Variants in MLIP observed in about 807,000 individuals in gnomAD.
MLIP encodes the protein muscular LMNA-interacting protein.
A neutral mutation model predicts 84.8 loss-of-function variants in MLIP; 79 were observed. The observed-to-expected ratio is 0.93, with a 90% CI of 0.78 to 1.12. The LOEUF (loss-of-function observed/expected upper bound fraction) is 1.12, where lower values mean the gene tolerates loss of function less well. Ranked by LOEUF, MLIP falls within the 50% of genes most tolerant of loss-of-function variation. The pLI, the probability that MLIP is intolerant of heterozygous loss-of-function variation, is 0.00. For synonymous variants in MLIP, 504 were observed against 463.0 expected (o/e 1.09, Z -1.14); for missense variants, 1,257 against 1,160.6 (o/e 1.08, Z -1.21).
At chr6:54,208,695 T>C (rs1779211447) in intron 11 of MLIP, among the ~76,000 whole-genome samples, 2 of 152,232 alleles carry the variant, frequency 1.3e-5, no homozygotes, top group African/African-American at 4.8e-5. Flanking sequence ...AAGATTAGCC[T>C]GTGTATAGAA....
At chr6:54,145,779 C>G in intron 4 of MLIP, among the ~76,000 whole-genome samples, 1 of 147,778 alleles carries the variant, frequency 6.8e-6, no homozygotes, top group African/African-American at 2.5e-5. Flanking sequence ...CTGTCCCCCA[C>G]CACCCCCTCC....
chr6:54,098,712 G>T (rs1358827476), intron 1 of MLIP, among the ~76,000 whole-genome samples: 3 of 152,082 alleles, frequency 2.0e-5, no homozygotes, highest in African/African-American at 4.8e-5. Context: ...TGAACGAGCT[G>T]TTTAAAACTT....
At chr6:54,076,654 G>A (rs904235259) in intron 1 of MLIP, among the ~76,000 whole-genome samples, 1 of 152,152 alleles carries the variant, frequency 6.6e-6, no homozygotes, top group Non-Finnish European at 1.5e-5. Flanking sequence ...CTTTTTCCAG[G>A]CTTCAAAGAA....
At chr6:54,106,393 T>TTCATCAGACCATCCATATGGTGC (rs1769019422) in intron 1 of MLIP, among the ~76,000 whole-genome samples, 1 of 152,018 alleles carries the variant, frequency 6.6e-6, no homozygotes, top group South Asian at 2.1e-4. Context: ...ATACGGATGG[T>TTCATCAGACCATCCATATGGTGC]TCATCAGACC....
At chr6:54,098,793 C>G (rs1056222353) in intron 1 of MLIP, among the ~76,000 whole-genome samples, 6 of 152,076 alleles carry the variant, frequency 3.9e-5, no homozygotes, top group Non-Finnish European at 8.8e-5. Context: ...TACTATGTGC[C>G]AAATACTGTT....
intron 1 of MLIP, among the ~76,000 whole-genome samples, chr6:54,033,413 T>C (rs766072961): frequency 6.6e-6 from 1 of 151,958 alleles, no homozygotes; most frequent in Non-Finnish European, 1.5e-5. Context: ...AATACAGGCG[T>C]GTGCCATCTT....
chr6:54,160,464 A>G, intron 6 of MLIP, 32 bp downstream of exon 6: 1 of 1,611,310 alleles, frequency 6.2e-7, no homozygotes, highest in Non-Finnish European at 8.5e-7. Flanking sequence ...TGCTTTTGGT[A>G]TGCAATTCCA....
At chr6:54,022,082 C>T (rs1489150877) in intron 1 of MLIP, among the ~76,000 whole-genome samples, 1 of 152,148 alleles carries the variant, frequency 6.6e-6, no homozygotes, top group African/African-American at 2.4e-5. Flanking sequence ...TTGAATGGAT[C>T]TTTTGTTTTT....
chr6:54,131,648 G>T lies in MLIP; in HGVS notation c.646-5067G>T, dbSNP rs144258097. On this transcript the variant is annotated intron_variant, in intron 3 of 13. Transcript: ENST00000502396. ...AGAAACTCAGTGCAGTGATTATATT[G>T]TACAGACTTGACTGAGAAGAAAACA... is the stretch of plus-strand genomic sequence containing the variant. Among the ~76,000 whole-genome samples the T allele has an allele frequency of 2.3e-3, 355 of 152,244 alleles. 1 individual carries two copies. The highest frequency in any genetic ancestry group is 3.5e-3 in the Non-Finnish European group (238 of 68,012).
In MLIP at chr6:54,122,426, A is replaced by T. The variant is rs375487812; in HGVS notation, c.252+824A>T. On this transcript the variant is annotated intron_variant, in intron 2 of 13. Coordinates refer to ENST00000502396, the MANE Select transcript of MLIP (RefSeq NM_001281747.2). ...AAATCTTGAAAATAACTTGTGTTAG[A>T]ATAACAAAATTTTGAGTAAAAATGT... Among the ~76,000 whole-genome samples, 28 of 152,298 alleles carry T rather than the reference A, an allele frequency of 1.8e-4. 1 individual carries two copies. Among genetic ancestry groups the T allele is most frequent in the African/African-American group, 6.5e-4 (27 of 41,566 alleles).
At chr6:54,225,404 A>G (rs916804260) in intron 11 of MLIP, among the ~76,000 whole-genome samples, 1 of 152,196 alleles carries the variant, frequency 6.6e-6, no homozygotes, top group African/African-American at 2.4e-5. Context: ...CATTGAAAAG[A>G]TTCAGTAAAA....
At chr6:54,080,248 G>T (rs1220810513) in intron 1 of MLIP, among the ~76,000 whole-genome samples, 1 of 151,976 alleles carries the variant, frequency 6.6e-6, no homozygotes, top group Non-Finnish European at 1.5e-5. Context: ...GTATTATTCA[G>T]AGCTGTAGAC....
intron 1 of MLIP, among the ~76,000 whole-genome samples, chr6:54,019,464 A>G (rs2397154): frequency 0.99 from 151,394 of 152,280 alleles, 75,264 homozygotes; most frequent in Non-Finnish European, 1. Context: ...CCAGGAATAT[A>G]TGCCAAGAAA....
intron 5 of MLIP, among the ~76,000 whole-genome samples, chr6:54,155,231 G>A (rs1561992208): frequency 2.0e-5 from 3 of 152,014 alleles, no homozygotes; most frequent in Non-Finnish European, 4.4e-5. Context: ...AGTGGTGTAT[G>A]TTATTCAGAC....
At chr6:54,019,124 T>A (rs756080676) in intron 1 of MLIP, 1 of 1,607,070 alleles carries the variant, frequency 6.2e-7, no homozygotes, top group Non-Finnish European at 8.5e-7. Context: ...CACAGATTTA[T>A]AATGAAATTG....
In MLIP at chr6:54,124,817, A is replaced by C; in HGVS notation, c.597A>C (p.Ser199=). ...KTQGTDLKTS[S]HPEMLHGMAP... Reference sequence around the variant, plus strand: ...AGGGGACTGATCTCAAGACCTCATCACATCCTGAAATGCTTCATGGGATGG... The same window carrying C: ...AGGGGACTGATCTCAAGACCTCATCCCATCCTGAAATGCTTCATGGGATGG... Residue 199 remains serine (S), a synonymous_variant, in exon 3 of 14, where the codon TCA becomes TCC. Coordinates refer to ENST00000502396, the MANE Select transcript of MLIP (RefSeq NM_001281747.2). The C allele has an allele frequency of 6.2e-7, 1 of 1,611,104 alleles. No homozygotes were observed. The highest frequency in any genetic ancestry group is 8.5e-7 in the Non-Finnish European group (1 of 1,178,696).
intron 1 of MLIP, chr6:54,058,044 G>T (rs1386693478): frequency 6.6e-6 from 1 of 152,058 alleles, no homozygotes; most frequent in Non-Finnish European, 1.5e-5. Flanking sequence ...CTTTCTAGAG[G>T]TCAAATTAGG....
intron 1 of MLIP, among the ~76,000 whole-genome samples, chr6:54,113,156 G>T (rs1315645882): frequency 6.6e-6 from 1 of 152,098 alleles, no homozygotes; most frequent in African/African-American, 2.4e-5. Flanking sequence ...TATTTGGATG[G>T]AACATAAGAT....
intron 9 of MLIP, among the ~76,000 whole-genome samples, chr6:54,187,019 A>T (rs1777462748): frequency 6.6e-6 from 1 of 152,232 alleles, no homozygotes; most frequent in South Asian, 2.1e-4. Flanking sequence ...ATGAAAAAGA[A>T]AAAAGATAAT....
Sources: gnomAD v4.1 joint callset for allele counts (sites outside exome capture counted in the v4.1 genomes callset) on GRCh38, gnomAD v4.1.1 for gene constraint, MANE v1.5 for transcripts, NCBI Gene and HGNC (gene_info 2026-07-23, HGNC 2026-07-21) for gene names.